CLEC2L: variants seen among roughly 807,000 people sequenced by gnomAD.
CLEC2L encodes the protein C-type lectin domain family 2 member L.
In CLEC2L, 14 loss-of-function variants were observed where a neutral mutation model predicts 23.6. The observed-to-expected ratio is 0.59, with a 90% CI of 0.39 to 0.93. CLEC2L has a LOEUF of 0.93. Ranked by LOEUF, CLEC2L falls within the 40% of genes least tolerant of loss-of-function variation. The pLI is 0.00. For synonymous variants in CLEC2L, 114 were observed against 121.3 expected (o/e 0.94, Z 0.40); for missense variants, 264 against 282.4 (o/e 0.93, Z 0.47).
At chr7:139,524,545 C>A (rs1797478979) in intron 1 of CLEC2L, among the ~76,000 whole-genome samples, 1 of 152,074 alleles carries the variant, frequency 6.6e-6, no homozygotes, top group African/African-American at 2.4e-5. Context: ...CCTGTGAGAG[C>A]CGCGGGGACC....
At chr7:139,536,447 T>C in intron 2 of CLEC2L, 99 bp downstream of exon 2, 1 of 1,040,632 alleles carries the variant, frequency 9.6e-7, no homozygotes, top group Non-Finnish European at 1.4e-6. Context: ...ATTCCAAGAA[T>C]CCTGTGGGGG....
chr7:139,530,152 C>T (rs974574661), intron 1 of CLEC2L, among the ~76,000 whole-genome samples: 1 of 151,848 alleles, frequency 6.6e-6, no homozygotes, highest in East Asian at 1.9e-4. Context: ...CCACTGTACT[C>T]CAGCTTGTGT....
chr7:139,534,529 C>T (rs896354861), intron 1 of CLEC2L: 11 of 769,584 alleles, frequency 1.4e-5, no homozygotes, highest in Non-Finnish European at 2.6e-5. Context: ...GCTTCTTCAT[C>T]GGCAGGCTCA....
rs766831853 is a variant in CLEC2L, at chr7:139,542,067, G to C, written c.479G>C (p.Arg160Pro). 1 of 1,613,074 alleles carries C rather than the reference G, an allele frequency of 6.2e-7. No homozygotes were observed. Among genetic ancestry groups the C allele is most frequent in the Admixed American group, 1.7e-5 (1 of 59,898 alleles). Residue 160 changes from arginine (R) to proline (P), a missense_variant, in exon 4 of 5, where the codon CGC (arginine) becomes CCC (proline). By Grantham distance (103) the Arg-to-Pro change is moderately radical (BLOSUM62 -2). Coordinates refer to ENST00000422142, the MANE Select transcript of CLEC2L (RefSeq NM_001080511.4). ...CGGAGGGAGCCCTGGATTGGACTAC[G>C]CAGAGTTGGGGACGAATTCCACTGG... ...FTRREPWIGL[R>P]RVGDEFHWVN...
chr7:139,531,869 C>T (rs1288804224), intron 1 of CLEC2L, among the ~76,000 whole-genome samples: 2 of 151,188 alleles, frequency 1.3e-5, no homozygotes, highest in Non-Finnish European at 2.9e-5. Context: ...GAGATCATGC[C>T]ATGGCACTCC....
chr7:139,529,687 A>T (rs1387081129), intron 1 of CLEC2L, among the ~76,000 whole-genome samples: 1 of 152,206 alleles, frequency 6.6e-6, no homozygotes, highest in East Asian at 1.9e-4. Flanking sequence ...AATAGGAAAG[A>T]CTGGAAATGT....
chr7:139,542,803 G>A (rs1408356246), intron 4 of CLEC2L, among the ~76,000 whole-genome samples: 2 of 152,182 alleles, frequency 1.3e-5, no homozygotes, highest in East Asian at 3.9e-4. Flanking sequence ...GTCATGGGCG[G>A]AGTGGGTGGC....
chr7:139,528,155 T>C (rs1475431778), intron 1 of CLEC2L, among the ~76,000 whole-genome samples: 1 of 152,182 alleles, frequency 6.6e-6, no homozygotes, highest in African/African-American at 2.4e-5. Context: ...ATTGTGTCCC[T>C]ACCAAAAAAG....
intron 1 of CLEC2L, among the ~76,000 whole-genome samples, chr7:139,529,928 C>A (rs767839384): frequency 3.3e-5 from 5 of 150,630 alleles, no homozygotes; most frequent in Non-Finnish European, 5.9e-5. Flanking sequence ...GTTAGCCAGG[C>A]GTGGTGATGT....
Position 139,524,953 on chromosome 7 carries a change from G to A in CLEC2L, c.190+836G>A, listed in dbSNP as rs1585195347. ...GTGTCAGAAAAGGAGGGCTTCCCAG[G>A]AGTAGGTGACCTCTTAGCAGGCGTG... On this transcript the variant is annotated intron_variant, in intron 1 of 4. Transcript: ENST00000422142. 2.0e-5 allele frequency among the ~76,000 whole-genome samples: 3 copies of A among 152,278 alleles called. No homozygotes were observed. The South Asian group carries it at 6.2e-4, about 32-fold the overall frequency.
chr7:139,530,027 A>C (rs561950238), intron 1 of CLEC2L, among the ~76,000 whole-genome samples: 216 of 151,888 alleles, frequency 1.4e-3, no homozygotes, highest in Non-Finnish European at 2.6e-3. Context: ...AAAAAAAAAA[A>C]AACAAAATTA....
chr7:139,531,973 A>C (rs1244916269), intron 1 of CLEC2L, among the ~76,000 whole-genome samples: 1 of 152,128 alleles, frequency 6.6e-6, no homozygotes, highest in Non-Finnish European at 1.5e-5. Flanking sequence ...CACTTTCCAC[A>C]TTGAAAGGGC....
At chr7:139,543,962 C>G (rs1314638103) in intron 4 of CLEC2L, among the ~76,000 whole-genome samples, 1 of 152,126 alleles carries the variant, frequency 6.6e-6, no homozygotes, top group African/African-American at 2.4e-5. Flanking sequence ...GTGAGCCGAC[C>G]CTGCAAGGAC....
intron 1 of CLEC2L, among the ~76,000 whole-genome samples, chr7:139,528,745 G>A (rs1291910755): frequency 6.6e-6 from 1 of 152,190 alleles, no homozygotes; most frequent in Non-Finnish European, 1.5e-5. Flanking sequence ...GCAGAGATTG[G>A]ACTGATGTGG....
chr7:139,538,661 A>C (rs1480076622), intron 2 of CLEC2L, among the ~76,000 whole-genome samples: 1 of 152,164 alleles, frequency 6.6e-6, no homozygotes, highest in Non-Finnish European at 1.5e-5. Flanking sequence ...AGGCGGGAGA[A>C]TTGCTTGAAT....
In CLEC2L at chr7:139,544,445, A is replaced by C; in HGVS notation, c.*103A>C. 1.2e-6 allele frequency: 1 copy of C among 818,244 alleles called. No individual in the cohort carries two copies. Among genetic ancestry groups the C allele is most frequent in the Non-Finnish European group, 2.0e-6 (1 of 507,828 alleles). The allele number at this position is 818,244 out of a possible 1,614,324, so 50.7% of individuals were successfully genotyped here. A position where few individuals can be genotyped will look rare whatever the true frequency, so the allele number is the denominator to read the frequency against. On this transcript the variant is annotated 3_prime_UTR_variant, in exon 5 of 5. Coordinates refer to ENST00000422142, the MANE Select transcript of CLEC2L (RefSeq NM_001080511.4). Reference sequence around the variant, plus strand: ...GGAGCCGCCTGCCCTCTGCAAGGCGAAGCGGTGGGTGCGTGGCCTCCGCCC... The same window carrying C: ...GGAGCCGCCTGCCCTCTGCAAGGCGCAGCGGTGGGTGCGTGGCCTCCGCCC...
intron 3 of CLEC2L, among the ~76,000 whole-genome samples, chr7:139,541,184 T>C (rs1797730197): frequency 6.6e-6 from 1 of 152,096 alleles, no homozygotes; most frequent in Admixed American, 6.5e-5. Context: ...ACTTTTTGTA[T>C]TTTTAGTAGA....
At position 139,523,750 on chromosome 7, in the gene CLEC2L, G is replaced by C. The variant is rs963744004; in HGVS notation, c.-178G>C. On this transcript the variant is annotated 5_prime_UTR_variant, in exon 1 of 5. Transcript: ENST00000422142. The surrounding 1 kb of genome is among the most constrained non-coding windows in gnomAD (Gnocchi z 4.1). ...CGCTGAGCGCACCGCGGCGGCACCC[G>C]GCGCAGAGGCTCCAGCGCGGGGAGC... 1 of 251,314 alleles carries C rather than the reference G, an allele frequency of 4.0e-6. No homozygotes were observed. Among genetic ancestry groups the C allele is most frequent in the African/African-American group, 2.3e-5 (1 of 43,238 alleles). 15.6% of individuals were successfully genotyped at this position (251,314 alleles called of 1,614,324 possible). A position where few individuals can be genotyped will look rare whatever the true frequency, so the allele number is the denominator to read the frequency against.
At position 139,540,825 on chromosome 7, in the gene CLEC2L, A is replaced by G. The variant is rs1797723345; in HGVS notation, c.432+338A>G. Among the ~76,000 whole-genome samples, 1 of 152,198 alleles carries G rather than the reference A, an allele frequency of 6.6e-6. No homozygotes were observed. Among genetic ancestry groups the G allele is most frequent in the South Asian group, 2.1e-4 (1 of 4,834 alleles). ...TACCAGCTACTCAGGAGGCTGAGGC[A>G]GGAGGATCACTTGAGCCCAGGAGTT... On this transcript the variant is annotated intron_variant, in intron 3 of 4. Transcript: ENST00000422142. The surrounding 1 kb of genome is among the most constrained non-coding windows in gnomAD (Gnocchi z 5.8).
Sources: gnomAD v4.1 joint callset for allele counts (sites outside exome capture counted in the v4.1 genomes callset) on GRCh38, gnomAD v4.1.1 for gene constraint, Gnocchi (gnomAD v3.1) non-coding constraint, MANE v1.5 for transcripts, NCBI Gene and HGNC (gene_info 2026-07-23, HGNC 2026-07-21) for gene names.